Variants in ABCG2 observed in about 807,000 individuals in gnomAD.
ABCG2 encodes the protein ATP binding cassette subfamily G member 2 (JR blood group), also known as broad substrate specificity ATP-binding cassette transporter ABCG2.
A neutral mutation model predicts 73.5 loss-of-function variants in ABCG2; 80 were observed. The ratio of observed to expected loss-of-function variants is 1.09; its 90% CI spans 0.91 to 1.31. The LOEUF is 1.31. Ranked by LOEUF, ABCG2 falls within the 50% of genes most tolerant of loss-of-function variation. The pLI is 0.00. For synonymous variants in ABCG2, 269 were observed against 282.4 expected (o/e 0.95, Z 0.48); for missense variants, 796 against 786.2 (o/e 1.01, Z -0.15).
intron 5 of ABCG2, among the ~76,000 whole-genome samples, chr4:88,130,243 C>T (rs575524570): frequency 6.6e-6 from 1 of 152,200 alleles, no homozygotes; most frequent in Admixed American, 6.5e-5. Context: ...CACCTGAGCT[C>T]CACCTGTCAG....
At chr4:88,168,512 TA>T (rs1245216497) in intron 1 of ABCG2, among the ~76,000 whole-genome samples, 3 of 150,826 alleles carry the variant, frequency 2.0e-5, no homozygotes, top group Admixed American at 6.6e-5. Context: ...CATTTGGTTA[TA>T]AAGTTTATTT....
At position 88,132,768 on chromosome 4, in the gene ABCG2, A is replaced by G. The variant is rs1724987163; in HGVS notation, c.204-133T>C. 4 of 1,008,164 alleles carry G rather than the reference A, an allele frequency of 4.0e-6. No homozygotes were observed. In the East Asian group the frequency reaches 7.6e-5, roughly 19 times the overall value. 62.5% of individuals were successfully genotyped at this position (1,008,164 alleles called of 1,614,324 possible). On this transcript the variant is annotated intron_variant, in intron 2 of 15. Transcript: ENST00000237612. ...GAACACAAGCACAAACCAACTCTTA[A>G]AGAAAACAAACAAACAAAACAGGTC...
intron 1 of ABCG2, among the ~76,000 whole-genome samples, chr4:88,205,285 C>T (rs72877211): frequency 0.051 from 7,768 of 152,252 alleles, 684 homozygotes; most frequent in African/African-American, 0.18. Flanking sequence ...GATTGCTCTT[C>T]CAAGTCTCAG....
At chr4:88,121,931 T>TACTTTTTCTACCA in intron 5 of ABCG2, 139 bp from the exon 6 acceptor site, 1 of 829,856 alleles carries the variant, frequency 1.2e-6, no homozygotes. Flanking sequence ...AGTGGATACC[T>TACTTTTTCTACCA]GGTAGAAAAA....
intron 1 of ABCG2, among the ~76,000 whole-genome samples, chr4:88,143,369 T>C (rs1725770613): frequency 6.6e-6 from 1 of 152,232 alleles, no homozygotes; most frequent in Admixed American, 6.5e-5. Flanking sequence ...CATTTGATGT[T>C]CCTTCAGCCA....
Position 88,211,360 on chromosome 4 carries a change from C to CCG in ABCG2, c.-20+19633_-20+19634insCG, listed in dbSNP as rs1560460452. On this transcript the variant is annotated intron_variant, in intron 1 of 15. Transcript: ENST00000515655. ...TGATAGGTAATTGTTCAACCCCTGC[C>CCG]CCACCCCCCCCCACTTTTGGAGACC... is the stretch of plus-strand genomic sequence containing the variant. Among the ~76,000 whole-genome samples, 8 of 58,444 alleles carry CCG rather than the reference C, an allele frequency of 1.4e-4. 1 individual carries two copies. Among genetic ancestry groups the CCG allele is most frequent in the Admixed American group, 8.7e-4 (5 of 5,760 alleles). 38.3% of individuals were successfully genotyped at this position (58,444 alleles called of 152,430 possible). A position where few individuals can be genotyped will look rare whatever the true frequency, so the allele number is the denominator to read the frequency against.
chr4:88,214,188 A>C (rs1048076981), intron 1 of ABCG2, among the ~76,000 whole-genome samples: 1 of 150,698 alleles, frequency 6.6e-6, no homozygotes, highest in Non-Finnish European at 1.5e-5. Context: ...AGGTCTTGCT[A>C]TGTTGCCCAG....
At chr4:88,192,183 GAA>G (rs34478612) in intron 1 of ABCG2, among the ~76,000 whole-genome samples, 122 of 142,636 alleles carry the variant, frequency 8.6e-4, no homozygotes, top group Non-Finnish European at 7.3e-4. Context: ...TCTGTGTCAA[GAA>G]AAAAAAAAAA....
At chr4:88,183,003 T>C (rs1397508844) in intron 1 of ABCG2, among the ~76,000 whole-genome samples, 1 of 147,018 alleles carries the variant, frequency 6.8e-6, no homozygotes, top group African/African-American at 2.5e-5. Context: ...GAGAATCACT[T>C]GAACCCAGGA....
intron 10 of ABCG2, among the ~76,000 whole-genome samples, chr4:88,101,844 T>C (rs922829778): frequency 6.6e-6 from 1 of 152,160 alleles, no homozygotes; most frequent in African/African-American, 2.4e-5. Flanking sequence ...TGAGAGAAAA[T>C]ACATTTCTGT....
At chr4:88,127,344 C>A (rs1039234811) in intron 5 of ABCG2, among the ~76,000 whole-genome samples, 1 of 152,090 alleles carries the variant, frequency 6.6e-6, no homozygotes, top group African/African-American at 2.4e-5. Context: ...GCCATACTGC[C>A]CAAAGTAATA....
At chr4:88,163,690 T>C, upstream of ABCG2, 1 of 354,354 alleles carries the variant, frequency 2.8e-6, no homozygotes. Flanking sequence ...TAGAGTGGGC[T>C]TCAAGAAGTG....
chr4:88,122,058 G>T (rs1724043869), intron 5 of ABCG2, among the ~76,000 whole-genome samples: 1 of 152,002 alleles, frequency 6.6e-6, no homozygotes, highest in Admixed American at 6.6e-5. Flanking sequence ...GGAAGCACAA[G>T]GGGTGGGGGA....
chr4:88,157,552 T>C lies in ABCG2; in HGVS notation c.-20+834A>G, dbSNP rs1379487518. 2.6e-5 allele frequency among the ~76,000 whole-genome samples: 4 copies of C among 152,188 alleles called. No homozygotes were observed. In the East Asian group the frequency reaches 7.7e-4, roughly 29 times the overall value. On this transcript the variant is annotated intron_variant, in intron 1 of 15. Transcript: ENST00000237612. ...AAATTTTCAGTAACTCTCAAATTAT[T>C]TCACAATTAAAAGTTATTATAAAAT...
intron 1 of ABCG2, among the ~76,000 whole-genome samples, chr4:88,193,411 G>C (rs1319800841): frequency 6.6e-6 from 1 of 152,082 alleles, no homozygotes; most frequent in African/African-American, 2.4e-5. Context: ...TTCTCACAAG[G>C]TTTTTGTGCT....
chr4:88,155,059 G>C (rs1032666760), intron 1 of ABCG2, among the ~76,000 whole-genome samples: 2 of 152,104 alleles, frequency 1.3e-5, no homozygotes, highest in Admixed American at 6.5e-5. Context: ...GTTGGGATGA[G>C]TCAGGGAGAG....
intron 1 of ABCG2, among the ~76,000 whole-genome samples, chr4:88,174,446 T>TTGCTGAGAA (rs985629187): frequency 2.0e-5 from 3 of 152,214 alleles, no homozygotes; most frequent in African/African-American, 7.2e-5. Context: ...CTGTGTTACT[T>TTGCTGAGAA]TGCTGAGAAT....
intron 1 of ABCG2, among the ~76,000 whole-genome samples, chr4:88,157,872 T>C (rs951886039): frequency 6.6e-5 from 10 of 151,942 alleles, no homozygotes; most frequent in Non-Finnish European, 1.3e-4. Context: ...GAGAAGGGAG[T>C]AAGAGCACTC....
intron 1 of ABCG2, among the ~76,000 whole-genome samples, chr4:88,203,919 T>C (rs1441942723): frequency 1.3e-5 from 2 of 152,130 alleles, no homozygotes; most frequent in Admixed American, 6.6e-5. Context: ...TACTCTCTAC[T>C]TTTGTACCAG....
Sources: gnomAD v4.1 joint callset for allele counts (sites outside exome capture counted in the v4.1 genomes callset) on GRCh38, gnomAD v4.1.1 for gene constraint, MANE v1.5 for transcripts, NCBI Gene and HGNC (gene_info 2026-07-23, HGNC 2026-07-21) for gene names.